The following MAN1A1 variants were observed in gnomAD, a reference collection of about 807,000 sequenced individuals.
The protein encoded by MAN1A1 is mannosyl-oligosaccharide 1,2-alpha-mannosidase IA.
MAN1A1 carries 29 observed loss-of-function variants against 70.8 expected under a neutral mutation model. The ratio of observed to expected loss-of-function variants is 0.41; its 90% CI spans 0.31 to 0.56. The LOEUF (loss-of-function observed/expected upper bound fraction) is 0.56, where lower values mean the gene tolerates loss of function less well. Among genes scored for constraint, MAN1A1 ranks in the 20% least tolerant of loss-of-function variants. The pLI is 0.29. For missense variants in MAN1A1, 747 were observed against 841.3 expected (o/e 0.89, Z 1.39); for synonymous variants, 349 against 330.1 (o/e 1.06, Z -0.62).
At chr6:119,261,697 G>C (rs1205921991) in intron 5 of MAN1A1, among the ~76,000 whole-genome samples, 1 of 152,102 alleles carries the variant, frequency 6.6e-6, no homozygotes, top group African/African-American at 2.4e-5. Flanking sequence ...GCACAAAACT[G>C]TAAAGAAAGT....
At chr6:119,214,335 TTAA>T (rs761445304) in intron 6 of MAN1A1, among the ~76,000 whole-genome samples, 228 of 152,288 alleles carry the variant, frequency 1.5e-3, no homozygotes, top group Non-Finnish European at 2.8e-3. Context: ...TGGTAGCCTC[TTAA>T]TAATGATACT....
At position 119,212,962 on chromosome 6, in the gene MAN1A1, G is replaced by A. The variant is rs115246610; in HGVS notation, c.993-8080C>T. On this transcript the variant is annotated intron_variant, in intron 6 of 12. Transcript: ENST00000368468. ...AATGGATGCTATTAAGGAACCCACC[G>A]GGAGAAAATGGTATTCAAATTCCCA... Among the ~76,000 whole-genome samples, 555 of 152,190 alleles carry A rather than the reference G, an allele frequency of 3.6e-3. 4 individuals carry two copies. The highest frequency in any genetic ancestry group is 0.012 in the African/African-American group (517 of 41,508).
At position 119,216,155 on chromosome 6, in the gene MAN1A1, G is replaced by A. The variant is rs1296312506; in HGVS notation, c.993-11273C>T. 2.0e-5 allele frequency among the ~76,000 whole-genome samples: 3 copies of A among 152,166 alleles called. No homozygotes were observed. The East Asian group carries it at 5.8e-4, about 29-fold the overall frequency. On this transcript the variant is annotated intron_variant, in intron 6 of 12. Transcript: ENST00000368468. ...ACACAGGGACACTAGGCCAGATCAA[G>A]CGTTTCAATTTATTCTAAGTGCAGT...
At chr6:119,232,265 C>T (rs987141751) in intron 6 of MAN1A1, among the ~76,000 whole-genome samples, 2 of 148,508 alleles carry the variant, frequency 1.3e-5, no homozygotes, top group African/African-American at 2.5e-5. Flanking sequence ...CCCAGCTACT[C>T]GGGAGGCTGA....
chr6:119,318,297 G>GGTA (rs1162187226), intron 2 of MAN1A1, among the ~76,000 whole-genome samples: 1 of 152,154 alleles, frequency 6.6e-6, no homozygotes, highest in Non-Finnish European at 1.5e-5. Flanking sequence ...CTGCAAGGAA[G>GGTA]GTAGTCTCCC....
chr6:119,298,550 G>A (rs920205742), intron 4 of MAN1A1, among the ~76,000 whole-genome samples: 2 of 149,330 alleles, frequency 1.3e-5, no homozygotes, highest in Admixed American at 6.7e-5. Flanking sequence ...AATAATGTTT[G>A]TTTCATTTTT....
chr6:119,323,323 G>A (rs1225163288), intron 2 of MAN1A1, among the ~76,000 whole-genome samples: 3 of 152,090 alleles, frequency 2.0e-5, no homozygotes, highest in Admixed American at 6.6e-5. Context: ...TATCATCCTC[G>A]CTGCAATTAA....
At chr6:119,251,196 G>C (rs1387537358) in intron 5 of MAN1A1, among the ~76,000 whole-genome samples, 1 of 152,038 alleles carries the variant, frequency 6.6e-6, no homozygotes, top group Non-Finnish European at 1.5e-5. Flanking sequence ...CCATTAATCT[G>C]TATTTACGTT....
chr6:119,300,329 C>T (rs917354046), intron 4 of MAN1A1, among the ~76,000 whole-genome samples: 8 of 151,518 alleles, frequency 5.3e-5, no homozygotes, highest in Non-Finnish European at 1.2e-4. Context: ...AATCACGGCT[C>T]ACTGCAACAT....
intron 6 of MAN1A1, among the ~76,000 whole-genome samples, chr6:119,227,715 T>C (rs1774557442): frequency 6.6e-6 from 1 of 152,214 alleles, no homozygotes; most frequent in Non-Finnish European, 1.5e-5. Flanking sequence ...GCTATCTTCC[T>C]GCCTTGGCCT....
At chr6:119,186,348 T>C (rs1479563234) in intron 11 of MAN1A1, among the ~76,000 whole-genome samples, 1 of 152,024 alleles carries the variant, frequency 6.6e-6, no homozygotes, top group East Asian at 1.9e-4. Context: ...AAATAAAGCA[T>C]GAGACAAGGG....
At chr6:119,342,505 A>G (rs1773624005) in intron 2 of MAN1A1, among the ~76,000 whole-genome samples, 1 of 152,210 alleles carries the variant, frequency 6.6e-6, no homozygotes, top group Non-Finnish European at 1.5e-5. Context: ...CATTTTACAA[A>G]TGAGGAAACT....
At chr6:119,279,234 C>G (rs1776162763) in intron 5 of MAN1A1, among the ~76,000 whole-genome samples, 1 of 152,180 alleles carries the variant, frequency 6.6e-6, no homozygotes, top group South Asian at 2.1e-4. Flanking sequence ...AAACCTCAAG[C>G]AATTCAATCA....
chr6:119,280,860 T>C (rs1392815701), intron 5 of MAN1A1, among the ~76,000 whole-genome samples: 1 of 152,170 alleles, frequency 6.6e-6, no homozygotes, highest in Non-Finnish European at 1.5e-5. Context: ...TCTCTTTCAT[T>C]AGGCTTTTGA....
rs1184603174 is a variant in MAN1A1, at chr6:119,210,843, T to TA, written c.993-5962dup. 3 of 451,044 alleles carry TA rather than the reference T, an allele frequency of 6.7e-6. No individual in the cohort carries two copies. The Admixed American group carries it at 7.2e-5, about 11-fold the overall frequency. The allele number at this position is 451,044 out of a possible 1,614,324, so 27.9% of individuals were successfully genotyped here. A position where few individuals can be genotyped will look rare whatever the true frequency, so the allele number is the denominator to read the frequency against. On this transcript the variant is annotated intron_variant, in intron 6 of 12. Coordinates refer to ENST00000368468, the MANE Select transcript of MAN1A1 (RefSeq NM_005907.4). ...ATTAGAGACATAAACATCCACTACT[T>TA]ACAGAGCTATTTCTCTTTCCAGTGT...
chr6:119,303,788 T>A (rs1439482729), intron 3 of MAN1A1, among the ~76,000 whole-genome samples: 1 of 152,160 alleles, frequency 6.6e-6, no homozygotes, highest in Non-Finnish European at 1.5e-5. Context: ...GAACAAGACA[T>A]GCAGATCTTA....
intron 5 of MAN1A1, among the ~76,000 whole-genome samples, chr6:119,264,955 T>A (rs541826125): frequency 3.9e-5 from 6 of 152,334 alleles, no homozygotes; most frequent in African/African-American, 1.4e-4. Flanking sequence ...CAGTGAAAGC[T>A]ATGCCAATAC....
rs73527202 is a variant in MAN1A1, at chr6:119,341,287, C to T, written c.603+7176G>A. On this transcript the variant is annotated intron_variant, in intron 2 of 12. Coordinates refer to ENST00000368468, the MANE Select transcript of MAN1A1 (RefSeq NM_005907.4). Reference sequence around the variant, plus strand: ...TAGGCAATCCCCTACCCAGCAAAGACGTCCCACCTCCCTCTAGGATGGTCT... The same window carrying T: ...TAGGCAATCCCCTACCCAGCAAAGATGTCCCACCTCCCTCTAGGATGGTCT... Among the ~76,000 whole-genome samples the T allele has an allele frequency of 9.2e-3, 1,398 of 152,218 alleles. 24 individuals are homozygous for T. The highest frequency in any genetic ancestry group is 0.032 in the African/African-American group (1,316 of 41,532).
At chr6:119,193,406 T>G (rs776879908) in intron 9 of MAN1A1, among the ~76,000 whole-genome samples, 5 of 138,434 alleles carry the variant, frequency 3.6e-5, no homozygotes, top group Non-Finnish European at 8.3e-5. Context: ...GAGGTAGCCA[T>G]TGGGACTGTC....
Sources: allele counts gnomAD v4.1 joint callset (sites outside exome capture counted in the v4.1 genomes callset), GRCh38; gene constraint gnomAD v4.1.1; transcripts MANE v1.5; gene names NCBI Gene and HGNC (gene_info 2026-07-23, HGNC 2026-07-21).